The following CACNA2D1 variants were observed in gnomAD, a reference collection of about 807,000 sequenced individuals.
The protein encoded by CACNA2D1 is voltage-dependent calcium channel subunit alpha-2/delta-1.
A neutral mutation model predicts 171.5 loss-of-function variants in CACNA2D1; 53 were observed. The observed-to-expected ratio is 0.31, with a 90% confidence interval of 0.25 to 0.39. CACNA2D1 has a LOEUF of 0.39. Among genes scored for constraint, CACNA2D1 ranks in the 10% least tolerant of loss-of-function variants. The pLI, the probability that CACNA2D1 is intolerant of heterozygous loss-of-function variation, is 1.00. For missense variants in CACNA2D1, 903 were observed against 1,299.8 expected, an observed-to-expected ratio of 0.69 and a Z score of 4.69; for synonymous variants, 442 against 443.1, an observed-to-expected ratio of 1.00 and a Z score of 0.03.
chr7:82,170,540 G>T lies in CACNA2D1; in HGVS notation c.354+10C>A. The T allele has an allele frequency of 1.9e-6, 3 of 1,604,574 alleles. No homozygotes were observed. Among genetic ancestry groups the T allele is most frequent in the Non-Finnish European group, 1.7e-6 (2 of 1,171,838 alleles). On this transcript the variant is annotated intron_variant, in intron 4 of 38. Coordinates refer to ENST00000356860, the MANE Select transcript of CACNA2D1 (RefSeq NM_000722.4). ...GCTATTTAAATCAAGTAGTTAAAAG[G>T]GGTTCTTACTGCAAAATCTTCTCTC...
intron 3 of CACNA2D1, among the ~76,000 whole-genome samples, chr7:82,252,959 A>G (rs1052136871): frequency 2.2e-4 from 33 of 152,182 alleles, no homozygotes; most frequent in Admixed American, 2.0e-3. Flanking sequence ...AGGGAGAGAT[A>G]AGAGAGGCTA....
chr7:82,030,238 T>C (rs1223570888), intron 12 of CACNA2D1, among the ~76,000 whole-genome samples: 2 of 151,734 alleles, frequency 1.3e-5, no homozygotes, highest in African/African-American at 2.4e-5. Flanking sequence ...CCATAAATTC[T>C]TCACTAATTC....
intron 31 of CACNA2D1, 151 bp downstream of exon 31, chr7:81,967,018 C>T (rs1268892484): frequency 3.3e-6 from 2 of 612,622 alleles, no homozygotes; most frequent in African/African-American, 3.8e-5. Flanking sequence ...CAAAAGCATA[C>T]AAATTCAAAT....
intron 6 of CACNA2D1, among the ~76,000 whole-genome samples, chr7:82,111,806 T>A (rs62465773): frequency 2.6e-5 from 4 of 151,582 alleles, no homozygotes; most frequent in African/African-American, 9.7e-5. Context: ...AATTACAAAA[T>A]AGATATTTTT....
At chr7:82,073,075 G>C (rs1218748577) in intron 7 of CACNA2D1, among the ~76,000 whole-genome samples, 2 of 152,092 alleles carry the variant, frequency 1.3e-5, no homozygotes, top group African/African-American at 4.8e-5. Flanking sequence ...ATGCAGGCTG[G>C]TGTTACACAG....
chr7:82,219,090 TG>T (rs1162210186), intron 3 of CACNA2D1, among the ~76,000 whole-genome samples: 3 of 152,108 alleles, frequency 2.0e-5, no homozygotes, highest in African/African-American at 7.2e-5. Flanking sequence ...ACTTGTACAG[TG>T]GTATAGCCTA....
intron 36 of CACNA2D1, among the ~76,000 whole-genome samples, chr7:81,961,400 GTTC>G (rs1290785826): frequency 6.6e-6 from 1 of 151,644 alleles, no homozygotes; most frequent in African/African-American, 2.4e-5. Context: ...ATAACATTCA[GTTC>G]TTCAAGTCAG....
intron 3 of CACNA2D1, among the ~76,000 whole-genome samples, chr7:82,276,143 T>C (rs1809288408): frequency 6.6e-6 from 1 of 152,190 alleles, no homozygotes; most frequent in Admixed American, 6.5e-5. Flanking sequence ...TCAAGAAGTA[T>C]TTAATTGCAA....
chr7:82,005,620 C>T, intron 17 of CACNA2D1, 123 bp from the exon 18 acceptor site: 1 of 873,590 alleles, frequency 1.1e-6, no homozygotes, highest in Admixed American at 2.1e-5. Flanking sequence ...AACATGGAAT[C>T]ATTTTATTTT....
chr7:82,265,024 A>G (rs1807636768), intron 3 of CACNA2D1, among the ~76,000 whole-genome samples: 1 of 152,200 alleles, frequency 6.6e-6, no homozygotes, highest in African/African-American at 2.4e-5. Flanking sequence ...ATTAAAAAAG[A>G]ACACATAAGT....
At chr7:82,012,054 T>A in intron 15 of CACNA2D1, 100 bp downstream of exon 15, 1 of 800,180 alleles carries the variant, frequency 1.2e-6, no homozygotes. Flanking sequence ...TTGGGGAGGG[T>A]TTAATGAAAA....
At chr7:82,357,629 T>C (rs1231708973) in intron 1 of CACNA2D1, among the ~76,000 whole-genome samples, 1 of 149,674 alleles carries the variant, frequency 6.7e-6, no homozygotes, top group Non-Finnish European at 1.5e-5. Flanking sequence ...CTTCCCAATT[T>C]ATTCCACTAG....
chr7:82,129,854 T>C (rs1790749519), intron 5 of CACNA2D1, among the ~76,000 whole-genome samples: 4 of 152,162 alleles, frequency 2.6e-5, no homozygotes, highest in Admixed American at 2.0e-4. Flanking sequence ...GCTGTCATAT[T>C]TGTAACTACA....
intron 2 of CACNA2D1, among the ~76,000 whole-genome samples, chr7:82,336,458 C>G (rs1308890344): frequency 6.6e-6 from 1 of 151,978 alleles, no homozygotes; most frequent in Non-Finnish European, 1.5e-5. Context: ...AATTTTTGCT[C>G]CTAAAAGTGA....
intron 1 of CACNA2D1, among the ~76,000 whole-genome samples, chr7:82,373,790 T>A (rs955621394): frequency 3.3e-5 from 5 of 152,236 alleles, no homozygotes; most frequent in African/African-American, 1.2e-4. Context: ...TAAATAGTTA[T>A]TTACAGAATA....
At chr7:81,953,028 T>A (rs1474493641) in intron 38 of CACNA2D1, among the ~76,000 whole-genome samples, 1 of 152,082 alleles carries the variant, frequency 6.6e-6, no homozygotes, top group Non-Finnish European at 1.5e-5. Flanking sequence ...TAGCTGGGAC[T>A]ATAGATGTGC....
rs149376156 is a variant in CACNA2D1, at chr7:82,004,498, C to T, written c.1590+925G>A. On this transcript the variant is annotated intron_variant, in intron 18 of 38. Coordinates refer to ENST00000356860, the MANE Select transcript of CACNA2D1 (RefSeq NM_000722.4). Reference sequence around the variant, plus strand: ...ATTACATTTAATGTATTTTTGCATTCAATATCAATAGTTCTCTTATGGATT... The same window carrying T: ...ATTACATTTAATGTATTTTTGCATTTAATATCAATAGTTCTCTTATGGATT... 5.9e-5 allele frequency among the ~76,000 whole-genome samples: 9 copies of T among 151,608 alleles called. No individual in the cohort carries two copies. The East Asian group carries it at 9.7e-4, about 16-fold the overall frequency.
intron 3 of CACNA2D1, among the ~76,000 whole-genome samples, chr7:82,316,778 T>C (rs969049299): frequency 1.3e-5 from 2 of 152,288 alleles, no homozygotes; most frequent in Middle Eastern, 3.4e-3. Context: ...ATGCCTTACA[T>C]GGTGGCAGGC....
intron 3 of CACNA2D1, among the ~76,000 whole-genome samples, chr7:82,173,393 G>A (rs1796245258): frequency 6.6e-6 from 1 of 152,114 alleles, no homozygotes; most frequent in South Asian, 2.1e-4. Flanking sequence ...ATTTTAAAAG[G>A]CTGGTCTGAA....
Sources: gnomAD v4.1 joint callset for allele counts (sites outside exome capture counted in the v4.1 genomes callset) on GRCh38, gnomAD v4.1.1 for gene constraint, MANE v1.5 for transcripts, NCBI Gene and HGNC (gene_info 2026-07-23, HGNC 2026-07-21) for gene names.